UQCC6: variants seen among roughly 807,000 people sequenced by gnomAD.
UQCC6 encodes ubiquinol-cytochrome c reductase complex assembly factor 6, also known as protein BRAWNIN.
chr12:103,954,674 A>T, the UQCC6 span: 1 of 421,024 alleles, frequency 2.4e-6, no homozygotes, highest in Non-Finnish European at 4.2e-6. Context: ...AACCCGTATC[A>T]GTGGACATTC....
the UQCC6 span, among the ~76,000 whole-genome samples, chr12:103,963,748 G>C: frequency 6.6e-6 from 1 of 151,994 alleles, no homozygotes; most frequent in African/African-American, 2.4e-5. Flanking sequence ...TTTGTTGTTA[G>C]TACATAAATT....
At chr12:103,965,636 G>T in the UQCC6 span, 1 of 211,334 alleles carries the variant, frequency 4.7e-6, no homozygotes, top group Middle Eastern at 1.6e-3. Context: ...TATCGCCCAC[G>T]CGTCCACCAG....
At chr12:103,964,492 GGCAGGACCCA>G in the UQCC6 span, among the ~76,000 whole-genome samples, 1 of 152,172 alleles carries the variant, frequency 6.6e-6, no homozygotes, top group Non-Finnish European at 1.5e-5. Flanking sequence ...GAATGGAGCT[GGCAGGACCCA>G]GCACAGCAAC....
chr12:103,951,414 T>TC, the UQCC6 span: 1 of 566,378 alleles, frequency 1.8e-6, no homozygotes, highest in African/African-American at 1.9e-5. Flanking sequence ...ACTGAGCACC[T>TC]CCTCTTGCAG....
At chr12:103,960,905 T>G in the UQCC6 span, among the ~76,000 whole-genome samples, 2 of 152,222 alleles carry the variant, frequency 1.3e-5, no homozygotes, top group African/African-American at 4.8e-5. Flanking sequence ...ATATATCTAT[T>G]TACTATACTT....
At chr12:103,962,793 T>C in the UQCC6 span, among the ~76,000 whole-genome samples, 2 of 152,374 alleles carry the variant, frequency 1.3e-5, no homozygotes, top group African/African-American at 2.4e-5. Flanking sequence ...AGCCTTGCTC[T>C]GCAGGAGCAG....
At chr12:103,955,622 A>G in the UQCC6 span, 1 of 401,312 alleles carries the variant, frequency 2.5e-6, no homozygotes, top group Non-Finnish European at 4.9e-6. Context: ...ACAGAATGAG[A>G]CCTGTCTAAT....
At chr12:103,950,377 C>G in the UQCC6 span, 1 of 152,266 alleles carries the variant, frequency 6.6e-6, no homozygotes, top group Non-Finnish European at 1.5e-5. Flanking sequence ...GATCCAAAGA[C>G]AGTGTCCCTA....
chr12:103,958,173 G>A, the UQCC6 span, among the ~76,000 whole-genome samples: 6 of 148,534 alleles, frequency 4.0e-5, no homozygotes, highest in East Asian at 2.0e-4. Flanking sequence ...CTGAGATCGC[G>A]CCATTGCACT....
At chr12:103,957,755 AG>A in the UQCC6 span, among the ~76,000 whole-genome samples, 2 of 151,784 alleles carry the variant, frequency 1.3e-5, no homozygotes, top group African/African-American at 4.8e-5. Flanking sequence ...GGTTAGTGCA[AG>A]GGCCGGGGGC....
the UQCC6 span, among the ~76,000 whole-genome samples, chr12:103,953,995 C>G: frequency 6.6e-6 from 1 of 152,190 alleles, no homozygotes; most frequent in Admixed American, 6.5e-5. Flanking sequence ...TCAATAGAAC[C>G]CTTTTTAAAA....
chr12:103,963,495 A>G, the UQCC6 span, among the ~76,000 whole-genome samples: 1 of 152,158 alleles, frequency 6.6e-6, no homozygotes. Context: ...CATTTTGTCA[A>G]TTTCTACCCA....
the UQCC6 span, among the ~76,000 whole-genome samples, chr12:103,954,103 A>G: frequency 6.6e-6 from 1 of 152,364 alleles, no homozygotes; most frequent in South Asian, 2.1e-4. Context: ...ATCAAATAAT[A>G]TGTCACAGCT....
chr12:103,953,171 A>G, the UQCC6 span, among the ~76,000 whole-genome samples: 1 of 152,208 alleles, frequency 6.6e-6, no homozygotes, highest in Non-Finnish European at 1.5e-5. Context: ...GGCAGAAGAC[A>G]GGTCAGGAAG....
chr12:103,951,423 A>G, the UQCC6 span: 10 of 595,498 alleles, frequency 1.7e-5, no homozygotes, highest in East Asian at 2.9e-4. Flanking sequence ...CTCCTCTTGC[A>G]GTTAGCATTA....
chr12:103,956,701 A>C, the UQCC6 span: 1 of 1,551,618 alleles, frequency 6.4e-7, no homozygotes, highest in Non-Finnish European at 8.7e-7. Flanking sequence ...GGCTGCGAAC[A>C]TTTTCAGGTA....
chr12:103,955,026 A>G, the UQCC6 span: 1 of 693,350 alleles, frequency 1.4e-6, no homozygotes, highest in Non-Finnish European at 2.6e-6. Flanking sequence ...TGTTAAAAAT[A>G]CAAATGGGCC....
chr12:103,953,311 G>T, the UQCC6 span: 55 of 699,718 alleles, frequency 7.9e-5, no homozygotes, highest in African/African-American at 9.1e-4. Context: ...CATATGTACA[G>T]TATGAGAGAG....
At chr12:103,964,625 A>T in the UQCC6 span, among the ~76,000 whole-genome samples, 1 of 152,316 alleles carries the variant, frequency 6.6e-6, no homozygotes, top group Non-Finnish European at 1.5e-5. Flanking sequence ...CTCCCAAAGC[A>T]TTCAGCAGTC....
Sources: gnomAD v4.1 joint callset for allele counts (sites outside exome capture counted in the v4.1 genomes callset) on GRCh38, gnomAD v4.1.1 for gene constraint, MANE v1.5 for transcripts, NCBI Gene and HGNC (gene_info 2026-07-23, HGNC 2026-07-21) for gene names.